NEO1: variants seen among roughly 807,000 people sequenced by gnomAD.
The protein encoded by NEO1 is neogenin 1.
A neutral mutation model predicts 159.7 loss-of-function variants in NEO1; 63 were observed. The ratio of observed to expected loss-of-function variants is 0.39; its 90% confidence interval spans 0.32 to 0.49. NEO1 has a LOEUF of 0.49. NEO1 is among the 20% of genes least tolerant of loss of function. NEO1 has a pLI of 0.85. For missense variants in NEO1, 1,615 were observed against 1,831.0 expected (o/e 0.88, Z 2.15); for synonymous variants, 633 against 662.0 (o/e 0.96, Z 0.67).
intron 1 of NEO1, among the ~76,000 whole-genome samples, chr15:73,100,864 T>G (rs1800223355): frequency 6.6e-6 from 1 of 152,150 alleles, no homozygotes; most frequent in Non-Finnish European, 1.5e-5. Flanking sequence ...TTTCAGATGT[T>G]TTCCACTACC....
At chr15:73,206,026 G>A (rs2037202416) in intron 7 of NEO1, among the ~76,000 whole-genome samples, 1 of 151,972 alleles carries the variant, frequency 6.6e-6, no homozygotes, top group South Asian at 2.1e-4. Flanking sequence ...TCATGCCTCA[G>A]CCTCTTGAGT....
At chr15:73,214,276 A>G (rs1370666013) in intron 7 of NEO1, among the ~76,000 whole-genome samples, 2 of 152,148 alleles carry the variant, frequency 1.3e-5, no homozygotes, top group African/African-American at 2.4e-5. Context: ...CTTTAGTTTA[A>G]TTAAGTCCCA....
chr15:73,191,198 T>C (rs1320053560), intron 7 of NEO1, among the ~76,000 whole-genome samples: 1 of 152,088 alleles, frequency 6.6e-6, no homozygotes, highest in Non-Finnish European at 1.5e-5. Flanking sequence ...ATGAGGTGAT[T>C]AACCTCTCTA....
At chr15:73,192,740 C>A (rs948937718) in intron 7 of NEO1, among the ~76,000 whole-genome samples, 3 of 151,808 alleles carry the variant, frequency 2.0e-5, no homozygotes, top group South Asian at 2.1e-4. Context: ...ACTCTGATTT[C>A]ATTTATGGAA....
chr15:73,163,070 C>G (rs1344323952), intron 5 of NEO1: 1 of 152,152 alleles, frequency 6.6e-6, no homozygotes, highest in Non-Finnish European at 1.5e-5. Context: ...ACATATTTTT[C>G]TTCCTAAAGG....
chr15:73,055,069 A>C (rs2067635536), intron 1 of NEO1, among the ~76,000 whole-genome samples: 1 of 152,164 alleles, frequency 6.6e-6, no homozygotes, highest in Non-Finnish European at 1.5e-5. Flanking sequence ...GGTGGAGGAA[A>C]AAGTAAGAAG....
At chr15:73,289,630 G>A (rs897108488) in intron 25 of NEO1, among the ~76,000 whole-genome samples, 1 of 152,092 alleles carries the variant, frequency 6.6e-6, no homozygotes, top group Non-Finnish European at 1.5e-5. Context: ...GAGCACCTGT[G>A]AAATTTATTT....
chr15:73,284,688 C>T (rs985367626), intron 23 of NEO1, among the ~76,000 whole-genome samples: 11 of 150,872 alleles, frequency 7.3e-5, no homozygotes, highest in South Asian at 4.2e-4. Context: ...TGGATTCAAG[C>T]GATTCTCCTG....
At chr15:73,237,882 C>T (rs1481563653) in intron 8 of NEO1, among the ~76,000 whole-genome samples, 1 of 152,174 alleles carries the variant, frequency 6.6e-6, no homozygotes, top group Non-Finnish European at 1.5e-5. Context: ...TTTATTTCTG[C>T]AGTAGGTTTT....
chr15:73,268,003 G>C (rs371733510), intron 16 of NEO1, among the ~76,000 whole-genome samples: 14 of 152,290 alleles, frequency 9.2e-5, no homozygotes, highest in African/African-American at 2.6e-4. Flanking sequence ...CCTGAAGGAA[G>C]AGTACATCCT....
chr15:73,220,259 T>C (rs1200401858), intron 7 of NEO1, among the ~76,000 whole-genome samples: 1 of 152,242 alleles, frequency 6.6e-6, no homozygotes, highest in African/African-American at 2.4e-5. Context: ...GCCCCCACTC[T>C]CTTCTGGCTT....
At position 73,210,930 on chromosome 15, in the gene NEO1, G is replaced by A. The variant is rs539490404; in HGVS notation, c.1292-25417G>A. 4.6e-3 allele frequency among the ~76,000 whole-genome samples: 708 copies of A among 152,272 alleles called. 10 individuals carry two copies. Among genetic ancestry groups the A allele is most frequent in the African/African-American group, 0.016 (676 of 41,560 alleles). Reference sequence around the variant, plus strand: ...TTTGTAAGTGTTCTGTTAGTTTTTAGTCATTGAAGAAGCATTTATTGAATG... The same window carrying A: ...TTTGTAAGTGTTCTGTTAGTTTTTAATCATTGAAGAAGCATTTATTGAATG... On this transcript the variant is annotated intron_variant, in intron 7 of 28. Coordinates refer to ENST00000261908, the MANE Select transcript of NEO1 (RefSeq NM_002499.4).
At chr15:73,160,725 T>C (rs1290999844) in intron 5 of NEO1, among the ~76,000 whole-genome samples, 3 of 152,202 alleles carry the variant, frequency 2.0e-5, no homozygotes, top group Admixed American at 2.0e-4. Flanking sequence ...GGAAGGGGCA[T>C]GGACTTTCCA....
At position 73,277,455 on chromosome 15, in the gene NEO1, C is replaced by A. The variant is rs547841948; in HGVS notation, c.3194-676C>A. Among the ~76,000 whole-genome samples the A allele has an allele frequency of 4.3e-4, 65 of 152,258 alleles. No homozygotes were observed. In the South Asian group the frequency reaches 9.7e-3, roughly 23 times the overall value. On this transcript the variant is annotated intron_variant, in intron 21 of 28. Transcript: ENST00000261908. Reference sequence around the variant, plus strand: ...GTGGTCCTAGGCCTGAGGTCAGCAGCCTCACTTAGTATGTTCCCTGATGAT... The same window carrying A: ...GTGGTCCTAGGCCTGAGGTCAGCAGACTCACTTAGTATGTTCCCTGATGAT...
At chr15:73,076,737 G>A (rs2068786430) in intron 1 of NEO1, among the ~76,000 whole-genome samples, 1 of 152,100 alleles carries the variant, frequency 6.6e-6, no homozygotes, top group Admixed American at 6.5e-5. Context: ...TTCTTTGGAA[G>A]CAAGCCTGAT....
Position 73,197,715 on chromosome 15 carries a change from C to G in NEO1, c.1291+19288C>G, listed in dbSNP as rs9806438. ...TTTTTTTTTGAGACAGAATCTCATT[C>G]TGTCACCCAGGCTGGAGTGCAGTGG... On this transcript the variant is annotated intron_variant, in intron 7 of 28. Coordinates refer to ENST00000261908, the MANE Select transcript of NEO1 (RefSeq NM_002499.4). Among the ~76,000 whole-genome samples the G allele has an allele frequency of 9.7e-3, 1,267 of 130,404 alleles. 21 individuals carry two copies. The highest frequency in any genetic ancestry group is 0.033 in the African/African-American group (1,196 of 35,870). 85.6% of individuals were successfully genotyped at this position (130,404 alleles called of 152,430 possible). A position where few individuals can be genotyped will look rare whatever the true frequency, so the allele number is the denominator to read the frequency against.
intron 1 of NEO1, among the ~76,000 whole-genome samples, chr15:73,060,249 TTTTGTTTGTTTG>T (rs887772356): frequency 1.3e-5 from 2 of 152,034 alleles, no homozygotes; most frequent in East Asian, 1.9e-4. Flanking sequence ...GGATAACTAG[TTTTGTTTGTTTG>T]TTTGTTTGTT....
intron 21 of NEO1, 72 bp downstream of exon 21, chr15:73,274,796 C>A (rs546683237): frequency 8.2e-5 from 88 of 1,074,384 alleles, no homozygotes; most frequent in Non-Finnish European, 1.0e-4. Flanking sequence ...GTTTTTGTTT[C>A]TTTTTTTTTT....
chr15:73,272,088 T>C (rs1431992002), intron 18 of NEO1, among the ~76,000 whole-genome samples: 1 of 152,178 alleles, frequency 6.6e-6, no homozygotes, highest in Non-Finnish European at 1.5e-5. Flanking sequence ...AAAGCAGAGA[T>C]AGTGATAACT....
Sources: gnomAD v4.1 joint callset for allele counts (sites outside exome capture counted in the v4.1 genomes callset) on GRCh38, gnomAD v4.1.1 for gene constraint, MANE v1.5 for transcripts, NCBI Gene and HGNC (gene_info 2026-07-23, HGNC 2026-07-21) for gene names.